NUDCD1: variants seen among roughly 807,000 people sequenced by gnomAD.
The protein encoded by NUDCD1 is nudC domain-containing protein 1.
A neutral mutation model predicts 67.8 loss-of-function variants in NUDCD1; 60 were observed. The ratio of observed to expected loss-of-function variants is 0.88; its 90% CI spans 0.72 to 1.10. NUDCD1 has a LOEUF of 1.10. Ranked by LOEUF, NUDCD1 falls within the 50% of genes least tolerant of loss-of-function variation. NUDCD1 has a pLI of 0.00. For missense variants in NUDCD1, 643 were observed against 695.0 expected (o/e 0.93, Z 0.84); for synonymous variants, 244 against 230.8 (o/e 1.06, Z -0.52).
chr8:109,331,227 C>G (rs909714658), intron 1 of NUDCD1, among the ~76,000 whole-genome samples: 7 of 152,040 alleles, frequency 4.6e-5, no homozygotes, highest in African/African-American at 1.7e-4. Context: ...CCCAGCTACT[C>G]CAGAGGCTGG....
intron 8 of NUDCD1, among the ~76,000 whole-genome samples, chr8:109,249,190 A>G (rs1235651804): frequency 2.0e-5 from 3 of 152,192 alleles, no homozygotes; most frequent in African/African-American, 7.2e-5. Flanking sequence ...CAAAGCTTAG[A>G]AAGAACTTAA....
chr8:109,250,168 CT>C (rs1281233625), intron 8 of NUDCD1, among the ~76,000 whole-genome samples: 1 of 152,038 alleles, frequency 6.6e-6, no homozygotes, highest in African/African-American at 2.4e-5. Flanking sequence ...TTCTTTACTT[CT>C]TTCTGTATGT....
At chr8:109,320,779 T>C (rs1272391838) in intron 2 of NUDCD1, among the ~76,000 whole-genome samples, 1 of 152,192 alleles carries the variant, frequency 6.6e-6, no homozygotes, top group African/African-American at 2.4e-5. Flanking sequence ...GGAGCTAATA[T>C]ATGTCCATGA....
chr8:109,283,794 A>G (rs1814509744), intron 5 of NUDCD1, among the ~76,000 whole-genome samples: 1 of 152,184 alleles, frequency 6.6e-6, no homozygotes, highest in Non-Finnish European at 1.5e-5. Context: ...TAAACAGGGA[A>G]ACAAAAGAAC....
intron 9 of NUDCD1, among the ~76,000 whole-genome samples, chr8:109,243,735 C>T (rs1251978263): frequency 6.6e-6 from 1 of 151,974 alleles, no homozygotes; most frequent in Non-Finnish European, 1.5e-5. Context: ...TATAGGATAC[C>T]ATCATAAAGT....
chr8:109,322,095 T>A (rs542523465), intron 2 of NUDCD1, among the ~76,000 whole-genome samples: 2 of 152,068 alleles, frequency 1.3e-5, no homozygotes, highest in Admixed American at 1.3e-4. Context: ...TGCTGCCCAA[T>A]GGTGAGAGTG....
At chr8:109,311,184 T>C (rs1815238940) in intron 2 of NUDCD1, among the ~76,000 whole-genome samples, 1 of 152,146 alleles carries the variant, frequency 6.6e-6, no homozygotes, top group African/African-American at 2.4e-5. Flanking sequence ...ACATCACTAA[T>C]GATCAGGGAA....
intron 8 of NUDCD1, among the ~76,000 whole-genome samples, chr8:109,248,238 T>A (rs1461108884): frequency 6.6e-6 from 1 of 152,172 alleles, no homozygotes; most frequent in Non-Finnish European, 1.5e-5. Context: ...GCCTCCAGAA[T>A]GAATGTAGTC....
At chr8:109,258,603 A>G (rs756769021) in intron 8 of NUDCD1, among the ~76,000 whole-genome samples, 5 of 152,128 alleles carry the variant, frequency 3.3e-5, no homozygotes, top group Non-Finnish European at 5.9e-5. Context: ...AGATTCTAGA[A>G]GGAAAATAAT....
intron 1 of NUDCD1, among the ~76,000 whole-genome samples, chr8:109,323,009 C>G (rs1160805035): frequency 6.6e-6 from 1 of 152,162 alleles, no homozygotes; most frequent in African/African-American, 2.4e-5. Context: ...AGTATCACAG[C>G]TGGACTAGAA....
At chr8:109,261,696 T>C (rs928242125) in intron 8 of NUDCD1, among the ~76,000 whole-genome samples, 2 of 152,154 alleles carry the variant, frequency 1.3e-5, no homozygotes, top group Non-Finnish European at 2.9e-5. Context: ...CATTGATTCA[T>C]TGTTTATTTT....
At chr8:109,307,431 G>A (rs1199909781) in intron 2 of NUDCD1, among the ~76,000 whole-genome samples, 3 of 152,152 alleles carry the variant, frequency 2.0e-5, no homozygotes, top group African/African-American at 7.2e-5. Context: ...AGCCTGTTTG[G>A]TGGTCTCTTT....
chr8:109,245,493 T>G lies in NUDCD1; in HGVS notation c.1300-12A>C. 6.3e-7 allele frequency: 1 copy of G among 1,577,932 alleles called. No individual in the cohort carries two copies. Among genetic ancestry groups the G allele is most frequent in the Non-Finnish European group, 8.6e-7 (1 of 1,162,708 alleles). On this transcript the variant is annotated splice_polypyrimidine_tract_variant and intron_variant, in intron 8 of 9. Coordinates refer to ENST00000239690, the MANE Select transcript of NUDCD1 (RefSeq NM_032869.4). ...CTTCCAAGATTCACCTAAAAAGTGA[T>G]TTAAAAAAAAATTTACTCAACAACA...
intron 8 of NUDCD1, among the ~76,000 whole-genome samples, chr8:109,256,977 GAAAA>G (rs577559219): frequency 6.8e-6 from 1 of 146,882 alleles, no homozygotes; most frequent in Admixed American, 6.8e-5. Flanking sequence ...TCATGATAAA[GAAAA>G]AAAAAACTCA....
intron 8 of NUDCD1, among the ~76,000 whole-genome samples, chr8:109,249,480 G>T (rs909941527): frequency 1.3e-5 from 2 of 152,146 alleles, no homozygotes; most frequent in African/African-American, 4.8e-5. Flanking sequence ...CAGCATATTT[G>T]AGACAAATTT....
intron 2 of NUDCD1, among the ~76,000 whole-genome samples, chr8:109,308,121 G>A (rs1185629859): frequency 6.6e-6 from 1 of 152,110 alleles, no homozygotes; most frequent in East Asian, 1.9e-4. Flanking sequence ...TGGAACAAAT[G>A]GACTTAACAG....
intron 2 of NUDCD1, among the ~76,000 whole-genome samples, chr8:109,312,298 CAAAAA>C (rs5893951): frequency 2.4e-5 from 2 of 82,608 alleles, no homozygotes; most frequent in Non-Finnish European, 4.6e-5. Flanking sequence ...GAGACACTGT[CAAAAA>C]AAAAAAAAAA....
chr8:109,288,366 A>G lies in NUDCD1; in HGVS notation c.823+1385T>C, dbSNP rs544752987. On this transcript the variant is annotated intron_variant, in intron 5 of 9. Coordinates refer to ENST00000239690, the MANE Select transcript of NUDCD1 (RefSeq NM_032869.4). The stretch of plus-strand genomic sequence containing the variant: ...TTCCCTCGAGATTGCTTACCAAAGG[A>G]ATTCTAAAGACACATGATCTAGAGA... Among the ~76,000 whole-genome samples, 247 of 152,322 alleles carry G rather than the reference A, an allele frequency of 1.6e-3. 2 individuals carry two copies. Among genetic ancestry groups the G allele is most frequent in the African/African-American group, 5.7e-3 (236 of 41,584 alleles).
At chr8:109,323,877 T>C (rs1041573758) in intron 1 of NUDCD1, among the ~76,000 whole-genome samples, 1 of 152,014 alleles carries the variant, frequency 6.6e-6, no homozygotes, top group Non-Finnish European at 1.5e-5. Flanking sequence ...TGGATATCCA[T>C]AGCAGAAAAA....
Sources: gnomAD v4.1 joint callset for allele counts (sites outside exome capture counted in the v4.1 genomes callset) on GRCh38, gnomAD v4.1.1 for gene constraint, MANE v1.5 for transcripts, NCBI Gene and HGNC (gene_info 2026-07-23, HGNC 2026-07-21) for gene names.